ENTREP2: variants seen among roughly 807,000 people sequenced by gnomAD.
The protein encoded by ENTREP2 is protein ENTREP2.
At chr15:29,246,392 C>CAA in the ENTREP2 span, among the ~76,000 whole-genome samples, 25 of 90,666 alleles carry the variant, frequency 2.8e-4, no homozygotes, top group Non-Finnish European at 3.9e-4. Flanking sequence ...ACCCTGTTTC[C>CAA]AAAAAAAAAA....
At chr15:29,329,785 A>C in the ENTREP2 span, among the ~76,000 whole-genome samples, 1 of 152,234 alleles carries the variant, frequency 6.6e-6, no homozygotes, top group African/African-American at 2.4e-5. Context: ...ATAAAGTAAC[A>C]TTGGATTATA....
the ENTREP2 span, among the ~76,000 whole-genome samples, chr15:29,400,403 G>C: frequency 6.6e-6 from 1 of 152,172 alleles, no homozygotes; most frequent in Non-Finnish European, 1.5e-5. Context: ...GAACCTAAAA[G>C]ACTTCATGAC....
chr15:29,554,836 T>G, the ENTREP2 span, among the ~76,000 whole-genome samples: 124 of 152,272 alleles, frequency 8.1e-4, no homozygotes, highest in African/African-American at 2.7e-3. Context: ...CTAAAAGGCA[T>G]GGACCTCTTG....
the ENTREP2 span, among the ~76,000 whole-genome samples, chr15:29,450,997 TG>T: frequency 1.3e-5 from 2 of 149,262 alleles, no homozygotes; most frequent in Non-Finnish European, 3.0e-5. Context: ...AAAAAAAAAC[TG>T]TTGGGTACTA....
chr15:29,330,887 A>G, the ENTREP2 span, among the ~76,000 whole-genome samples: 1 of 152,340 alleles, frequency 6.6e-6, no homozygotes, highest in Non-Finnish European at 1.5e-5. Flanking sequence ...CTAAAGGATG[A>G]ACTTTATTTA....
At chr15:29,478,202 A>C in the ENTREP2 span, among the ~76,000 whole-genome samples, 1 of 150,530 alleles carries the variant, frequency 6.6e-6, no homozygotes, top group Admixed American at 6.6e-5. Context: ...TTTTTATTGT[A>C]TTTTTTAGTA....
At chr15:29,459,404 G>A in the ENTREP2 span, among the ~76,000 whole-genome samples, 1 of 152,134 alleles carries the variant, frequency 6.6e-6, no homozygotes. Context: ...CCTGAGGACA[G>A]GCACTCTTCT....
chr15:29,652,769 G>A, the ENTREP2 span, among the ~76,000 whole-genome samples: 3 of 152,328 alleles, frequency 2.0e-5, no homozygotes, highest in South Asian at 4.1e-4. Flanking sequence ...ACTTGACTGT[G>A]TGCAGCGGCC....
At chr15:29,328,958 A>G in the ENTREP2 span, among the ~76,000 whole-genome samples, 2 of 152,180 alleles carry the variant, frequency 1.3e-5, no homozygotes, top group Non-Finnish European at 2.9e-5. Flanking sequence ...GCCTGAAAAA[A>G]CAGATAATGC....
At chr15:29,635,188 C>T in the ENTREP2 span, among the ~76,000 whole-genome samples, 1 of 152,132 alleles carries the variant, frequency 6.6e-6, no homozygotes, top group Non-Finnish European at 1.5e-5. Flanking sequence ...AAACCACTGG[C>T]CATTGGTGAT....
the ENTREP2 span, among the ~76,000 whole-genome samples, chr15:29,674,578 C>G: frequency 1.4e-3 from 211 of 152,186 alleles, no homozygotes; most frequent in African/African-American, 4.9e-3. Context: ...TGAGCACAGA[C>G]TTTTAATCAG....
the ENTREP2 span, among the ~76,000 whole-genome samples, chr15:29,464,426 T>G: frequency 6.6e-6 from 1 of 152,096 alleles, no homozygotes; most frequent in South Asian, 2.1e-4. Flanking sequence ...TTTTAAGCAT[T>G]AATTTTAAAA....
At chr15:29,139,385 G>A in the ENTREP2 span, among the ~76,000 whole-genome samples, 1 of 152,234 alleles carries the variant, frequency 6.6e-6, no homozygotes, top group Non-Finnish European at 1.5e-5. Flanking sequence ...GTGGTCCTCC[G>A]CCTTGGAGGC....
At chr15:29,336,502 G>A in the ENTREP2 span, among the ~76,000 whole-genome samples, 1 of 151,948 alleles carries the variant, frequency 6.6e-6, no homozygotes, top group Non-Finnish European at 1.5e-5. Context: ...GTAGAGACAA[G>A]GTCTCACTAT....
chr15:29,123,320 G>A, the ENTREP2 span: 27 of 1,491,924 alleles, frequency 1.8e-5, no homozygotes, highest in South Asian at 5.3e-5. Flanking sequence ...TGGTGTCCAC[G>A]GTCAGAAATG....
At chr15:29,162,497 C>A in the ENTREP2 span, among the ~76,000 whole-genome samples, 1 of 152,068 alleles carries the variant, frequency 6.6e-6, no homozygotes, top group Non-Finnish European at 1.5e-5. Context: ...ACTGGACTTT[C>A]AGTTTGCATG....
At chr15:29,453,028 C>G in the ENTREP2 span, among the ~76,000 whole-genome samples, 1 of 152,166 alleles carries the variant, frequency 6.6e-6, no homozygotes, top group African/African-American at 2.4e-5. Context: ...AAAGGAAATG[C>G]CTCCCTGCTT....
At chr15:29,463,536 T>TGA in the ENTREP2 span, among the ~76,000 whole-genome samples, 1 of 151,860 alleles carries the variant, frequency 6.6e-6, no homozygotes. Flanking sequence ...AATGCACAGA[T>TGA]GAGAGAGAGA....
the ENTREP2 span, among the ~76,000 whole-genome samples, chr15:29,556,195 T>G: frequency 6.6e-6 from 1 of 152,138 alleles, no homozygotes; most frequent in African/African-American, 2.4e-5. Flanking sequence ...AGGTTGAGGC[T>G]GCAGTGAGCC....
Sources: allele counts gnomAD v4.1 joint callset (sites outside exome capture counted in the v4.1 genomes callset), GRCh38; gene constraint gnomAD v4.1.1; transcripts MANE v1.5; gene names NCBI Gene and HGNC (gene_info 2026-07-23, HGNC 2026-07-21).